KITLG: variants seen among roughly 807,000 people sequenced by gnomAD.
KITLG encodes KIT ligand.
KITLG carries 13 observed loss-of-function variants against 34.1 expected under a neutral mutation model. The observed-to-expected ratio is 0.38, with a 90% CI of 0.25 to 0.61. The LOEUF is 0.61. Ranked by LOEUF, KITLG falls within the 20% of genes least tolerant of loss-of-function variation. The probability of loss-of-function intolerance (pLI) is 0.60; values close to 1 mark genes in which losing one functional copy is unlikely to be tolerated. For missense variants in KITLG, 292 were observed against 318.9 expected (o/e 0.92, Z 0.64); for synonymous variants, 110 against 104.0 (o/e 1.06, Z -0.35).
intron 2 of KITLG, among the ~76,000 whole-genome samples, chr12:88,539,484 C>A (rs985865303): frequency 6.6e-6 from 1 of 151,966 alleles, no homozygotes; most frequent in African/African-American, 2.4e-5. Flanking sequence ...GAAATAACAC[C>A]CCCCAAAAAA....
Position 88,516,457 on chromosome 12 carries a change from T to C in KITLG, c.397A>G (p.Arg133Gly), listed in dbSNP as rs778234972. The C allele has an allele frequency of 6.2e-7, 1 of 1,605,440 alleles. No individual in the cohort carries two copies. The highest frequency in any genetic ancestry group is 8.5e-7 in the Non-Finnish European group (1 of 1,175,808). Reference sequence around the variant, plus strand: ...AAGAATTCTTCAGGAGTAAAGAGCCTGGGTTCTGGGCTCTTGAATGATTTT... The same window carrying C: ...AAGAATTCTTCAGGAGTAAAGAGCCCGGGTTCTGGGCTCTTGAATGATTTT... The part of the protein sequence containing the change: ...LKKSFKSPEP[R>G]LFTPEEFFRI... The change falls in exon 5 of 10, where the codon AGG (arginine) becomes GGG (glycine). Residue 133 changes from arginine (R) to glycine (G), a missense_variant. This residue lies in a region of KITLG where 152 missense variants were observed against 207.9 expected (regional missense o/e 0.73). Coordinates refer to ENST00000644744, the MANE Select transcript of KITLG (RefSeq NM_000899.5).
intron 1 of KITLG, among the ~76,000 whole-genome samples, chr12:88,561,602 A>G (rs2120955851): frequency 6.6e-6 from 1 of 152,354 alleles, no homozygotes; most frequent in South Asian, 2.1e-4. Context: ...TATATAAAAC[A>G]TGATCACTAC....
intron 1 of KITLG, 26 bp downstream of exon 1, chr12:88,580,238 G>A (rs377519923): frequency 1.2e-6 from 2 of 1,602,746 alleles, no homozygotes; most frequent in African/African-American, 2.7e-5. Context: ...GGAGAGCCTG[G>A]GAGCTCCCGG....
intron 8 of KITLG, among the ~76,000 whole-genome samples, chr12:88,506,049 T>C (rs921367131): frequency 6.6e-6 from 1 of 152,170 alleles, no homozygotes; most frequent in Non-Finnish European, 1.5e-5. Flanking sequence ...GCTGCCTTAC[T>C]TAAATAAGAA....
chr12:88,534,720 T>C (rs1290888497), intron 2 of KITLG: 1 of 514,448 alleles, frequency 1.9e-6, no homozygotes, highest in Admixed American at 2.0e-5. Context: ...GGCATTTTTG[T>C]TCATTTATTT....
intron 1 of KITLG, among the ~76,000 whole-genome samples, chr12:88,573,402 C>A (rs2120989167): frequency 6.6e-6 from 1 of 152,268 alleles, no homozygotes; most frequent in Admixed American, 6.5e-5. Flanking sequence ...CACTGTAGGG[C>A]CCTAAGAGGT....
intron 1 of KITLG, 85 bp from the exon 2 acceptor site, chr12:88,545,950 A>G: frequency 1.2e-6 from 1 of 802,682 alleles, no homozygotes; most frequent in Non-Finnish European, 2.2e-6. Context: ...GCCTTGATGC[A>G]CAAAAAGACC....
Position 88,580,398 on chromosome 12 carries a change from C to G in KITLG, c.-120G>C. On this transcript the variant is annotated 5_prime_UTR_variant, in exon 1 of 10. Coordinates refer to ENST00000644744, the MANE Select transcript of KITLG (RefSeq NM_000899.5). Reference sequence around the variant, plus strand: ...CAGATAGTCCACGCATTGGGTAGCCCGAGCGCAGCGCCCTCTCCACTGTCC... The same window carrying G: ...CAGATAGTCCACGCATTGGGTAGCCGGAGCGCAGCGCCCTCTCCACTGTCC... 8.6e-7 allele frequency: 1 copy of G among 1,163,154 alleles called. No homozygotes were observed. Among genetic ancestry groups the G allele is most frequent in the Admixed American group, 2.0e-5 (1 of 50,588 alleles). 72.1% of individuals were successfully genotyped at this position (1,163,154 alleles called of 1,614,324 possible). A position where few individuals can be genotyped will look rare whatever the true frequency, so the allele number is the denominator to read the frequency against.
intron 6 of KITLG, among the ~76,000 whole-genome samples, chr12:88,513,428 T>C (rs1336691953): frequency 6.6e-6 from 1 of 151,710 alleles, no homozygotes; most frequent in Non-Finnish European, 1.5e-5. Context: ...AATCCAACTA[T>C]ACCAATGATT....
At position 88,518,688 on chromosome 12, in the gene KITLG, CAA is replaced by C. The variant is rs1307868126; in HGVS notation, c.363+7_363+8del. On this transcript the variant is annotated splice_region_variant and intron_variant, in intron 4 of 9. Transcript: ENST00000644744. ...TAATGAAAAATAATCCCAATGAACA[CAA>C]AGTTACCTTAGATGAGTTTTCTTTC... 5 of 1,609,092 alleles carry C rather than the reference CAA, an allele frequency of 3.1e-6. No individual in the cohort carries two copies. The highest frequency in any genetic ancestry group is 4.3e-6 in the Non-Finnish European group (5 of 1,175,802).
chr12:88,578,400 C>G (rs1399246557), intron 1 of KITLG, among the ~76,000 whole-genome samples: 3 of 152,098 alleles, frequency 2.0e-5, no homozygotes, highest in Admixed American at 2.0e-4. Flanking sequence ...GATGTGTGAC[C>G]GAACAGGTCA....
intron 1 of KITLG, among the ~76,000 whole-genome samples, chr12:88,575,829 A>C (rs887604973): frequency 6.6e-6 from 1 of 152,186 alleles, no homozygotes; most frequent in Non-Finnish European, 1.5e-5. Flanking sequence ...AAGGGAATAA[A>C]ATTTACAAAA....
intron 1 of KITLG, among the ~76,000 whole-genome samples, chr12:88,571,503 A>G (rs1871649763): frequency 6.6e-6 from 1 of 152,234 alleles, no homozygotes; most frequent in Admixed American, 6.5e-5. Context: ...ATGCTGTAAA[A>G]TAGTAAACAA....
At chr12:88,545,902 G>T in intron 1 of KITLG, 37 bp from the exon 2 acceptor site, 1 of 1,210,474 alleles carries the variant, frequency 8.3e-7, no homozygotes, top group Non-Finnish European at 1.2e-6. Context: ...GTGATCATCA[G>T]TTAAGATCTG....
rs995385702 is a variant in KITLG, at chr12:88,580,447, C to G, written c.-169G>C. 1.2e-6 allele frequency: 1 copy of G among 830,702 alleles called. No individual in the cohort carries two copies. The allele number at this position is 830,702 out of a possible 1,614,324, so 51.5% of individuals were successfully genotyped here. Reference sequence around the variant, plus strand: ...CCCTGCTTCCCGCAGCGCTTCTAGTCTCGGCGCGAGGCGGCGAGCGAAGCC... The same window carrying G: ...CCCTGCTTCCCGCAGCGCTTCTAGTGTCGGCGCGAGGCGGCGAGCGAAGCC... On this transcript the variant is annotated 5_prime_UTR_variant, in exon 1 of 10. Coordinates refer to ENST00000644744, the MANE Select transcript of KITLG (RefSeq NM_000899.5).
chr12:88,570,009 A>G (rs958663972), intron 1 of KITLG, among the ~76,000 whole-genome samples: 1 of 152,226 alleles, frequency 6.6e-6, no homozygotes, highest in Non-Finnish European at 1.5e-5. Flanking sequence ...ATTTCCTAAT[A>G]TGATCACAGA....
At chr12:88,575,026 G>A (rs1242177005) in intron 1 of KITLG, among the ~76,000 whole-genome samples, 1 of 152,154 alleles carries the variant, frequency 6.6e-6, no homozygotes, top group Non-Finnish European at 1.5e-5. Flanking sequence ...GTTATAATGT[G>A]CATTCACACT....
intron 3 of KITLG, among the ~76,000 whole-genome samples, chr12:88,527,010 AGGCGCCCGCCAC>A (rs1869897676): frequency 2.0e-5 from 3 of 152,056 alleles, no homozygotes; most frequent in African/African-American, 4.8e-5. Flanking sequence ...CTGGGACTAC[AGGCGCCCGCCAC>A]CACGCCCAGC....
chr12:88,573,686 A>C (rs1871731997), intron 1 of KITLG, among the ~76,000 whole-genome samples: 1 of 152,176 alleles, frequency 6.6e-6, no homozygotes, highest in East Asian at 1.9e-4. Flanking sequence ...CATACAAGAC[A>C]AACACAACGC....
Sources: gnomAD v4.1 joint callset for allele counts (sites outside exome capture counted in the v4.1 genomes callset) on GRCh38, gnomAD v4.1.1 for gene constraint, gnomAD v4.1.1 regional missense constraint, MANE v1.5 for transcripts, NCBI Gene and HGNC (gene_info 2026-07-23, HGNC 2026-07-21) for gene names.